Variants in CTNNA3 observed in about 807,000 individuals in gnomAD.
CTNNA3 encodes the protein catenin alpha 3, also known as catenin alpha-3.
Under a neutral mutation model 95.7 loss-of-function variants are expected in CTNNA3, and 76 were observed. The observed-to-expected ratio is 0.79, with a 90% CI of 0.66 to 0.96. CTNNA3 has a LOEUF of 0.96. Ranked by LOEUF, CTNNA3 falls within the 40% of genes least tolerant of loss-of-function variation. The probability of loss-of-function intolerance (pLI) is 0.00; values close to 1 mark genes in which losing one functional copy is unlikely to be tolerated. For synonymous variants in CTNNA3, 431 were observed against 374.4 expected, an observed-to-expected ratio of 1.15 and a Z score of -1.74; for missense variants, 1,191 against 1,089.8, an observed-to-expected ratio of 1.09 and a Z score of -1.31.
chr10:66,117,387 G>A (rs1347610200), intron 13 of CTNNA3, among the ~76,000 whole-genome samples: 4 of 152,054 alleles, frequency 2.6e-5, no homozygotes, highest in African/African-American at 7.2e-5. Context: ...CTGAAGTTCT[G>A]TTGAATAAAT....
At chr10:66,790,537 T>A (rs749871347) in intron 7 of CTNNA3, among the ~76,000 whole-genome samples, 1 of 152,100 alleles carries the variant, frequency 6.6e-6, no homozygotes, top group Non-Finnish European at 1.5e-5. Flanking sequence ...CTAAAGAGTA[T>A]CAATAATATA....
chr10:65,941,291 C>A (rs1001701819), intron 17 of CTNNA3, among the ~76,000 whole-genome samples: 2 of 152,154 alleles, frequency 1.3e-5, no homozygotes, highest in Admixed American at 1.3e-4. Context: ...GTCCATGGTC[C>A]ATGTTCTTAC....
intron 11 of CTNNA3, among the ~76,000 whole-genome samples, chr10:66,420,835 A>AAATTAATT (rs1554959967): frequency 4.6e-4 from 43 of 93,008 alleles, no homozygotes; most frequent in African/African-American, 1.0e-3. Flanking sequence ...ATAAATAAAT[A>AAATTAATT]AATAAAAAAC....
At chr10:65,925,016 G>A (rs1276478086) in intron 17 of CTNNA3, among the ~76,000 whole-genome samples, 1 of 152,094 alleles carries the variant, frequency 6.6e-6, no homozygotes, top group African/African-American at 2.4e-5. Flanking sequence ...CATGACACAT[G>A]GGGATTACTA....
At chr10:67,721,860 G>T (rs1245169441) in intron 1 of CTNNA3, among the ~76,000 whole-genome samples, 1 of 152,090 alleles carries the variant, frequency 6.6e-6, no homozygotes, top group Non-Finnish European at 1.5e-5. Context: ...TGTCCTTTTT[G>T]TTGATGTTGA....
intron 12 of CTNNA3, among the ~76,000 whole-genome samples, chr10:66,358,582 C>T (rs963086401): frequency 1.3e-5 from 2 of 152,172 alleles, no homozygotes; most frequent in Admixed American, 6.5e-5. Context: ...TTACTAGTCA[C>T]ATAAACTGCC....
intron 14 of CTNNA3, among the ~76,000 whole-genome samples, chr10:66,102,461 C>G (rs868207034): frequency 6.6e-6 from 1 of 152,138 alleles, no homozygotes; most frequent in African/African-American, 2.4e-5. Context: ...TCCCAAGTAA[C>G]ACTCCAGAAG....
chr10:66,723,621 A>T (rs1444204574), intron 9 of CTNNA3, among the ~76,000 whole-genome samples: 2 of 152,236 alleles, frequency 1.3e-5, no homozygotes, highest in African/African-American at 2.4e-5. Flanking sequence ...ATAATGGCAC[A>T]CATGCAGTGT....
At chr10:67,725,529 A>G (rs976399334) in intron 1 of CTNNA3, among the ~76,000 whole-genome samples, 1 of 152,120 alleles carries the variant, frequency 6.6e-6, no homozygotes, top group African/African-American at 2.4e-5. Context: ...TCTAAGAACA[A>G]GACACTTTTA....
chr10:67,649,334 T>C (rs59772067), intron 1 of CTNNA3, among the ~76,000 whole-genome samples: 20,188 of 152,152 alleles, frequency 0.13, 2,407 homozygotes, highest in African/African-American at 0.32. Flanking sequence ...GTAAGGAAGA[T>C]AAAAAATTAA....
chr10:67,738,851 GATGAAATGA>G (rs1454889912), intron 1 of CTNNA3, among the ~76,000 whole-genome samples: 1 of 152,130 alleles, frequency 6.6e-6, no homozygotes, highest in Non-Finnish European at 1.5e-5. Flanking sequence ...AGTGATGGAA[GATGAAATGA>G]ATGAAATGAA....
chr10:67,165,081 G>T (rs1861704582), intron 7 of CTNNA3, among the ~76,000 whole-genome samples: 2 of 152,106 alleles, frequency 1.3e-5, no homozygotes, highest in South Asian at 4.1e-4. Context: ...AGCATTATTT[G>T]TAATAGCCCC....
In CTNNA3 at chr10:66,871,089, T is replaced by C. The variant is rs566578832; in HGVS notation, c.1048-95565A>G. Among the ~76,000 whole-genome samples, 47 of 152,320 alleles carry C rather than the reference T, an allele frequency of 3.1e-4. No homozygotes were observed. The South Asian group carries it at 9.3e-3, about 30-fold the overall frequency. On this transcript the variant is annotated intron_variant, in intron 7 of 17. Transcript: ENST00000433211. ...TGCTGGTTTTGTTCATGTGTTTGTT[T>C]GTTTGTTTGCTTGATTGCTTGTTTA...
intron 7 of CTNNA3, among the ~76,000 whole-genome samples, chr10:67,111,121 C>A (rs1250546047): frequency 6.6e-6 from 1 of 152,128 alleles, no homozygotes; most frequent in Non-Finnish European, 1.5e-5. Context: ...TTTATGTCTT[C>A]TTCAGTATTT....
At chr10:67,684,880 GT>G (rs1840700466) in intron 1 of CTNNA3, among the ~76,000 whole-genome samples, 1 of 152,144 alleles carries the variant, frequency 6.6e-6, no homozygotes, top group Admixed American at 6.5e-5. Flanking sequence ...CCAGAGGTTG[GT>G]ATAAGAGTTT....
At chr10:66,745,233 T>G (rs1838812559) in intron 9 of CTNNA3, among the ~76,000 whole-genome samples, 1 of 152,214 alleles carries the variant, frequency 6.6e-6, no homozygotes, top group African/African-American at 2.4e-5. Flanking sequence ...GTTTGGCATA[T>G]GCAGAAGTAA....
intron 9 of CTNNA3, among the ~76,000 whole-genome samples, chr10:66,765,264 G>A (rs147108445): frequency 1.1e-4 from 17 of 152,284 alleles, no homozygotes; most frequent in African/African-American, 3.4e-4. Flanking sequence ...ATGTTATATT[G>A]AATGGTGTGA....
At chr10:67,529,603 T>G (rs919070073) in intron 4 of CTNNA3, among the ~76,000 whole-genome samples, 3 of 151,356 alleles carry the variant, frequency 2.0e-5, no homozygotes, top group Non-Finnish European at 4.4e-5. Flanking sequence ...GTAACTAACC[T>G]GCACATTGTG....
intron 2 of CTNNA3, among the ~76,000 whole-genome samples, chr10:67,637,943 T>C (rs1436513240): frequency 6.6e-6 from 1 of 152,006 alleles, no homozygotes; most frequent in Non-Finnish European, 1.5e-5. Context: ...GGCTAGGAAG[T>C]AACTGCATCA....
Sources: allele counts gnomAD v4.1 joint callset (sites outside exome capture counted in the v4.1 genomes callset), GRCh38; gene constraint gnomAD v4.1.1; transcripts MANE v1.5; gene names NCBI Gene and HGNC (gene_info 2026-07-23, HGNC 2026-07-21).